The following TRAK1 variants were observed in gnomAD, a reference collection of about 807,000 sequenced individuals.
TRAK1 encodes the protein trafficking kinesin protein 1.
In TRAK1, 33 loss-of-function variants were observed where a neutral mutation model predicts 92.1. That is an observed-to-expected ratio of 0.36 (90% confidence interval 0.27 to 0.48). The LOEUF is 0.48. TRAK1 is among the 20% of genes least tolerant of loss of function. The pLI is 0.99. For synonymous variants in TRAK1, 521 were observed against 517.3 expected, an observed-to-expected ratio of 1.01 and a Z score of -0.10; for missense variants, 1,123 against 1,257.9, an observed-to-expected ratio of 0.89 and a Z score of 1.62.
At chr3:42,125,227 C>T (rs895290143) in intron 1 of TRAK1, among the ~76,000 whole-genome samples, 193 bp from the exon 2 acceptor site, 3 of 152,224 alleles carry the variant, frequency 2.0e-5, no homozygotes, top group African/African-American at 4.8e-5. Context: ...AGGTCTTGGC[C>T]GTAAGCATGC....
rs549768933 is a variant in TRAK1 at position 42,157,013 on chromosome 3, C to T, written c.287-19801C>T. ...TACTAAAAATACAAAATTAGCCAGG[C>T]GTGGTGGCGGGCGCCTGTAATCCAG... On this transcript the variant is annotated intron_variant, in intron 2 of 15. Coordinates refer to ENST00000327628, the MANE Select transcript of TRAK1 (RefSeq NM_001042646.3). Among the ~76,000 whole-genome samples, 689 of 151,938 alleles carry T rather than the reference C, an allele frequency of 4.5e-3. 13 individuals are homozygous for T. Among genetic ancestry groups the T allele is most frequent in the African/African-American group, 0.016 (656 of 41,422 alleles).
rs186450818 is a variant in TRAK1 at position 42,173,544 on chromosome 3, G to A, written c.287-3270G>A. 2.6e-5 allele frequency among the ~76,000 whole-genome samples: 4 copies of A among 152,290 alleles called. No homozygotes were observed. In the East Asian group the frequency reaches 7.7e-4, roughly 29 times the overall value. ...AGAAAACCTAAGCCTCTGAACCCAAGGTCAGGGTTCTTTCTTTCCCCTAGG... is the reference window on the plus strand; with the variant it reads ...AGAAAACCTAAGCCTCTGAACCCAAAGTCAGGGTTCTTTCTTTCCCCTAGG... On this transcript the variant is annotated intron_variant, in intron 2 of 15. Transcript: ENST00000327628.
intron 2 of TRAK1, among the ~76,000 whole-genome samples, chr3:42,153,643 AT>A (rs1700207762): frequency 6.6e-6 from 1 of 152,170 alleles, no homozygotes; most frequent in Non-Finnish European, 1.5e-5. Context: ...TATAATGAAG[AT>A]TTATGGTATA....
chr3:42,099,459 A>T (rs2149006898), intron 1 of TRAK1, among the ~76,000 whole-genome samples: 1 of 152,118 alleles, frequency 6.6e-6, no homozygotes, highest in East Asian at 1.9e-4. Flanking sequence ...GGAGGTTTAA[A>T]CCCTAGTTTG....
chr3:42,192,973 A>C, intron 7 of TRAK1, 102 bp from the exon 8 acceptor site: 1 of 1,507,962 alleles, frequency 6.6e-7, no homozygotes, highest in African/African-American at 1.4e-5. Context: ...GTCTTTTAGT[A>C]AGGATGGTTT....
At chr3:42,052,777 C>T (rs948110467) in intron 1 of TRAK1, among the ~76,000 whole-genome samples, 6 of 152,070 alleles carry the variant, frequency 3.9e-5, no homozygotes, top group African/African-American at 1.4e-4. Context: ...TTCTGTATTG[C>T]CCCCTCCCCC....
At chr3:42,085,748 G>A (rs1241895581), upstream of TRAK1, among the ~76,000 whole-genome samples, 1 of 152,156 alleles carries the variant, frequency 6.6e-6, no homozygotes, top group Non-Finnish European at 1.5e-5. Flanking sequence ...GTCTCAGGAC[G>A]CCTCAAAGTT....
chr3:42,027,710 CTAAT>C (rs1031338098), intron 1 of TRAK1, among the ~76,000 whole-genome samples: 5 of 152,018 alleles, frequency 3.3e-5, no homozygotes, highest in Non-Finnish European at 5.9e-5. Context: ...AAATGGGTAA[CTAAT>C]TATTTATTAA....
chr3:42,084,572 G>T (rs1401711543), upstream of TRAK1, among the ~76,000 whole-genome samples: 2 of 152,216 alleles, frequency 1.3e-5, no homozygotes, highest in Non-Finnish European at 2.9e-5. Context: ...GCCCCACTGG[G>T]GGTGGGTTGT....
At chr3:42,220,928 A>G (rs1031682770) in intron 15 of TRAK1, among the ~76,000 whole-genome samples, 1 of 152,126 alleles carries the variant, frequency 6.6e-6, no homozygotes, top group African/African-American at 2.4e-5. Context: ...CATGGAACCA[A>G]GCTTCTCCCT....
At chr3:42,119,058 TC>T (rs1301741479) in intron 1 of TRAK1, among the ~76,000 whole-genome samples, 1 of 152,222 alleles carries the variant, frequency 6.6e-6, no homozygotes, top group Non-Finnish European at 1.5e-5. Context: ...CTTCCCTTGT[TC>T]CATCACTCTT....
chr3:42,161,516 A>G (rs1252783973), intron 2 of TRAK1, among the ~76,000 whole-genome samples: 2 of 151,974 alleles, frequency 1.3e-5, no homozygotes, highest in African/African-American at 4.8e-5. Flanking sequence ...AGTGAGTAGC[A>G]GGGCCCACAG....
chr3:42,123,147 T>G (rs950119537), intron 1 of TRAK1, among the ~76,000 whole-genome samples: 3 of 152,184 alleles, frequency 2.0e-5, no homozygotes, highest in African/African-American at 7.2e-5. Context: ...CTCAGTGGGC[T>G]CCTGCCCAAA....
rs1710567584 is a variant in TRAK1 at position 42,223,624 on chromosome 3, A to G, written c.2749A>G (p.Asn917Asp). ...GCAGCTCAATAGTGGCATCCGGCGGAATCGCAGCTTCCCCACCATGGTGGG... is the reference window on the plus strand; with the variant it reads ...GCAGCTCAATAGTGGCATCCGGCGGGATCGCAGCTTCCCCACCATGGTGGG... The part of the protein sequence containing the change: ...GLQLNSGIRR[N>D]RSFPTMVGSS... The change falls in exon 16 of 16, where the codon AAT (asparagine) becomes GAT (aspartate). Residue 917 changes from asparagine to aspartate, a missense_variant. Physicochemically the swap from Asn to Asp is conservative, Grantham distance 23. Around this residue, in one of 3 missense-constraint regions of TRAK1, gnomAD observed 401 missense variants for 438.9 expected, o/e 0.91. Transcript: ENST00000327628. The surrounding 1 kb of genome is among the most constrained non-coding windows in gnomAD (Gnocchi z 6.1). 3 of 1,613,770 alleles carry G rather than the reference A, an allele frequency of 1.9e-6. No homozygotes were observed. In the East Asian group the frequency reaches 6.7e-5, roughly 36 times the overall value.
At chr3:42,070,239 AATAATAATAATTATT>A (rs1703864882) in intron 1 of TRAK1, among the ~76,000 whole-genome samples, 1 of 31,462 alleles carries the variant, frequency 3.2e-5, no homozygotes, top group Non-Finnish European at 8.7e-5. Context: ...AATAATTATG[AATAATAATAATTATT>A]ATAATTATAA....
chr3:42,126,971 G>A (rs575191017), intron 2 of TRAK1, among the ~76,000 whole-genome samples: 1 of 152,190 alleles, frequency 6.6e-6, no homozygotes, highest in South Asian at 2.1e-4. Flanking sequence ...TCCACACCAG[G>A]GTAGATATGA....
intron 3 of TRAK1, among the ~76,000 whole-genome samples, chr3:42,181,818 GCTAATTTTCA>G (rs1704040447): frequency 6.6e-6 from 1 of 152,190 alleles, no homozygotes; most frequent in South Asian, 2.1e-4. Context: ...TGGACTAGGT[GCTAATTTTCA>G]GTCAGCCTCT....
intron 14 of TRAK1, chr3:42,212,243 G>T: frequency 1.0e-6 from 1 of 985,380 alleles, no homozygotes. Context: ...ATCCATGGTG[G>T]TCTGGTCCCT....
upstream of TRAK1, among the ~76,000 whole-genome samples, chr3:42,084,931 T>A (rs568128371): frequency 8.9e-4 from 136 of 152,264 alleles, no homozygotes; most frequent in African/African-American, 3.0e-3. Flanking sequence ...CTACCCATCC[T>A]TCCCATTTTC....
Sources: allele counts gnomAD v4.1 joint callset (sites outside exome capture counted in the v4.1 genomes callset), GRCh38; gene constraint gnomAD v4.1.1; regional missense constraint gnomAD v4.1.1; non-coding constraint Gnocchi (gnomAD v3.1); transcripts MANE v1.5; gene names NCBI Gene and HGNC (gene_info 2026-07-23, HGNC 2026-07-21).